The following TRAPPC11 variants were observed in gnomAD, a reference collection of about 807,000 sequenced individuals.
The protein encoded by TRAPPC11 is foie gras homolog.
In TRAPPC11, 104 loss-of-function variants were observed where a neutral mutation model predicts 151.2. That is an observed-to-expected ratio of 0.69 (90% confidence interval 0.59 to 0.81). The LOEUF (loss-of-function observed/expected upper bound fraction) is 0.81, where lower values mean the gene tolerates loss of function less well. Among genes scored for constraint, TRAPPC11 ranks in the 30% least tolerant of loss-of-function variants. The probability of loss-of-function intolerance (pLI) is 0.00; values close to 1 mark genes in which losing one functional copy is unlikely to be tolerated. For synonymous variants in TRAPPC11, 456 were observed against 472.3 expected (o/e 0.97, Z 0.45); for missense variants, 1,230 against 1,349.6 (o/e 0.91, Z 1.39).
intron 23 of TRAPPC11, 133 bp downstream of exon 23, chr4:183,694,856 A>G: frequency 1.1e-6 from 1 of 913,088 alleles, no homozygotes; most frequent in South Asian, 2.0e-5. Flanking sequence ...TTTTAATTAA[A>G]CTTTTTAAAA....
chr4:183,696,513 A>G (rs1485866570), intron 23 of TRAPPC11, among the ~76,000 whole-genome samples: 1 of 152,062 alleles, frequency 6.6e-6, no homozygotes, highest in African/African-American at 2.4e-5. Flanking sequence ...CACCCATCTC[A>G]GCCTCCCGAG....
rs1004171731 is a variant in TRAPPC11, at chr4:183,666,329, G to A, written c.277G>A (p.Val93Met). Residue 93 changes from valine to methionine, a missense_variant, in exon 3 of 30, where the codon GTG (valine) becomes ATG (methionine). By Grantham distance (21) the Val-to-Met change is conservative. Transcript: ENST00000334690. ...CTGGATGAATAAGCATCTGAATCTG[G>A]TGCCAGCCCTGGTGGTTGTGTTCTA... Reference protein sequence around the residue: ...TGWMNKHLNLVPALVVVFYEL... With the variant: ...TGWMNKHLNLMPALVVVFYEL... 1.2e-5 allele frequency: 20 copies of A among 1,614,146 alleles called. No homozygotes were observed. The highest frequency in any genetic ancestry group is 4.5e-5 in the East Asian group (2 of 44,884).
At chr4:183,661,377 T>TC (rs1734510475) in intron 1 of TRAPPC11, among the ~76,000 whole-genome samples, 1 of 138,938 alleles carries the variant, frequency 7.2e-6, no homozygotes, top group Admixed American at 7.4e-5. Context: ...TTTTTTTTTT[T>TC]TTTTTTTTTG....
Position 183,712,873 on chromosome 4 carries a change from C to A in TRAPPC11, c.*229C>A. ...ATCTCAGTACGACATGAAAGAATGT[C>A]AGACCATTGTTATTGTTGAAAGTCA... On this transcript the variant is annotated 3_prime_UTR_variant, in exon 30 of 30. Coordinates refer to ENST00000334690, the MANE Select transcript of TRAPPC11 (RefSeq NM_021942.6). The A allele has an allele frequency of 4.3e-6, 2 of 466,586 alleles. No individual in the cohort carries two copies. The highest frequency in any genetic ancestry group is 3.8e-6 in the Non-Finnish European group (1 of 265,752). The allele number at this position is 466,586 out of a possible 1,614,324, so 28.9% of individuals were successfully genotyped here.
At chr4:183,706,210 G>A (rs981062898) in intron 27 of TRAPPC11, among the ~76,000 whole-genome samples, 4 of 152,202 alleles carry the variant, frequency 2.6e-5, no homozygotes, top group African/African-American at 9.7e-5. Flanking sequence ...GATATTTTGG[G>A]AAACCTTTTA....
At chr4:183,659,695 C>T (rs1579140761) in intron 1 of TRAPPC11, among the ~76,000 whole-genome samples, 1 of 152,208 alleles carries the variant, frequency 6.6e-6, no homozygotes, top group East Asian at 1.9e-4. Flanking sequence ...CCTTTCCTCA[C>T]TGGAGCTACC....
intron 11 of TRAPPC11, 24 bp downstream of exon 11, chr4:183,682,849 T>C (rs774712988): frequency 1.6e-5 from 25 of 1,524,906 alleles, no homozygotes; most frequent in Non-Finnish European, 2.2e-5. Flanking sequence ...CCCTCTGTCC[T>C]TTCCTCTCAA....
chr4:183,693,559 C>G, intron 20 of TRAPPC11, 30 bp from the exon 21 acceptor site: 2 of 1,563,278 alleles, frequency 1.3e-6, no homozygotes, highest in Non-Finnish European at 1.7e-6. Flanking sequence ...TTTTTTTGAT[C>G]AGTTACTTAG....
At chr4:183,707,778 G>A (rs4862235) in intron 28 of TRAPPC11, among the ~76,000 whole-genome samples, 88,991 of 151,954 alleles carry the variant, frequency 0.59, 26,432 homozygotes, top group African/African-American at 0.68. Flanking sequence ...ACCAACTATA[G>A]TATTTACAAA....
At chr4:183,693,327 C>A (rs1441033069) in intron 20 of TRAPPC11, among the ~76,000 whole-genome samples, 180 bp downstream of exon 20, 6 of 152,040 alleles carry the variant, frequency 3.9e-5, no homozygotes, top group African/African-American at 1.4e-4. Flanking sequence ...CCCTTGCCTT[C>A]CCCAGTAGTT....
At chr4:183,693,231 G>C (rs1369956329) in intron 20 of TRAPPC11, 84 bp downstream of exon 20, 1 of 1,331,132 alleles carries the variant, frequency 7.5e-7, no homozygotes. Context: ...TCTCTCTCTT[G>C]TCCAGGCTGG....
At chr4:183,661,375 T>G (rs989239597) in intron 1 of TRAPPC11, among the ~76,000 whole-genome samples, 34 of 137,654 alleles carry the variant, frequency 2.5e-4, no homozygotes, top group Admixed American at 1.5e-3. Flanking sequence ...TTTTTTTTTT[T>G]TTTTTTTTTT....
chr4:183,699,326 G>A (rs1736690799), intron 25 of TRAPPC11, among the ~76,000 whole-genome samples: 1 of 152,074 alleles, frequency 6.6e-6, no homozygotes, highest in Non-Finnish European at 1.5e-5. Flanking sequence ...TCCCAAGCAG[G>A]ACTAAGTACT....
chr4:183,677,389 TC>T, intron 7 of TRAPPC11, 68 bp from the exon 8 acceptor site: 1 of 876,556 alleles, frequency 1.1e-6, no homozygotes, highest in Non-Finnish European at 1.9e-6. Context: ...CTTTGTTATT[TC>T]TAGTGATTTG....
At chr4:183,689,270 A>G (rs916442908) in intron 18 of TRAPPC11, among the ~76,000 whole-genome samples, 1 of 152,096 alleles carries the variant, frequency 6.6e-6, no homozygotes, top group Non-Finnish European at 1.5e-5. Flanking sequence ...AAGTGCATAT[A>G]GCGGCTGAAA....
In TRAPPC11 at chr4:183,685,437, GAA is replaced by G. The variant is rs753900415; in HGVS notation, c.1762+36_1762+37del. ...CTAACATCTACAGTACTATTTCAGA[GAA>G]ATTGTCTTATTTCTACAAAATGAAT... On this transcript the variant is annotated intron_variant, in intron 17 of 29. Coordinates refer to ENST00000334690, the MANE Select transcript of TRAPPC11 (RefSeq NM_021942.6). The G allele has an allele frequency of 3.2e-6, 5 of 1,586,746 alleles. No homozygotes were observed. The African/African-American group carries it at 6.7e-5, about 21-fold the overall frequency.
At chr4:183,664,336 C>T (rs1460487305) in intron 2 of TRAPPC11, among the ~76,000 whole-genome samples, 1 of 151,944 alleles carries the variant, frequency 6.6e-6, no homozygotes, top group East Asian at 1.9e-4. Flanking sequence ...AGGAAAAAAC[C>T]CAACATAGTC....
chr4:183,697,769 T>G lies in TRAPPC11; in HGVS notation c.2785T>G (p.Ser929Ala). The G allele has an allele frequency of 6.2e-7, 1 of 1,614,080 alleles. No individual in the cohort carries two copies. Among genetic ancestry groups the G allele is most frequent in the South Asian group, 1.1e-5 (1 of 91,082 alleles). ...SASPWALTIV[S>A]SELQLAPSMT... is the part of the protein sequence containing the mutation. The stretch of plus-strand genomic sequence containing the variant: ...CTCACCCTGGGCCCTCACTATTGTT[T>G]CCAGTGAGCTCCAGCTTGCTCCATC... Residue 929 changes from serine to alanine, a missense_variant, in exon 25 of 30, where the codon TCC (serine) becomes GCC (alanine). By Grantham distance (99) the Ser-to-Ala change is moderately conservative. Coordinates refer to ENST00000334690, the MANE Select transcript of TRAPPC11 (RefSeq NM_021942.6).
At position 183,684,335 on chromosome 4, in the gene TRAPPC11, C is replaced by A; in HGVS notation, c.1397C>A (p.Ala466Glu). The change falls in exon 14 of 30, where the codon GCA becomes GAA. Residue 466 changes from alanine to glutamate, a missense_variant. By Grantham distance (107) the Ala-to-Glu change is moderately radical. Transcript: ENST00000334690. ...CAGATGGGAGAGGAATATTATTACG[C>A]AAAGGATTATACCAAAGCTTTGAAG... is the stretch of plus-strand genomic sequence containing the variant. ...MVQMGEEYYYAKDYTKALKLL... is the reference protein window; with the variant it reads ...MVQMGEEYYYEKDYTKALKLL... 1 of 1,613,562 alleles carries A rather than the reference C, an allele frequency of 6.2e-7. No individual in the cohort carries two copies. The highest frequency in any genetic ancestry group is 1.3e-5 in the African/African-American group (1 of 75,006).
Sources: allele counts gnomAD v4.1 joint callset (sites outside exome capture counted in the v4.1 genomes callset), GRCh38; gene constraint gnomAD v4.1.1; transcripts MANE v1.5; gene names NCBI Gene and HGNC (gene_info 2026-07-23, HGNC 2026-07-21).